ZNF385D: variants seen among roughly 807,000 people sequenced by gnomAD.
The protein encoded by ZNF385D is zinc finger protein 659.
Under a neutral mutation model 35.8 loss-of-function variants are expected in ZNF385D, and 15 were observed. The observed-to-expected ratio is 0.42, with a 90% confidence interval of 0.28 to 0.64. The LOEUF (loss-of-function observed/expected upper bound fraction) is 0.64, where lower values mean the gene tolerates loss of function less well. Among genes scored for constraint, ZNF385D ranks in the 30% least tolerant of loss-of-function variants. ZNF385D has a pLI of 0.23. For missense variants in ZNF385D, 474 were observed against 494.6 expected, an observed-to-expected ratio of 0.96 and a Z score of 0.39; for synonymous variants, 212 against 186.8, an observed-to-expected ratio of 1.13 and a Z score of -1.10.
At position 21,981,559 on chromosome 3, in the gene ZNF385D, A is replaced by G. The variant is rs547312161; in HGVS notation, c.325+187258T>C. Among the ~76,000 whole-genome samples the G allele has an allele frequency of 7.2e-5, 11 of 152,206 alleles. No individual in the cohort carries two copies. In the East Asian group the frequency reaches 2.1e-3, roughly 29 times the overall value. On this transcript the variant is annotated intron_variant, in intron 3 of 5. Transcript: ENST00000494108. ...TTCTTTTGCTGTGCAGATGCTCTTA[A>G]CAATTAATCAGATCCCACATTTCAA...
chr3:22,301,927 C>T (rs934678043), intron 2 of ZNF385D, among the ~76,000 whole-genome samples: 8 of 151,840 alleles, frequency 5.3e-5, no homozygotes, highest in Non-Finnish European at 1.0e-4. Context: ...TTTTCTATAC[C>T]GATGCATGTA....
intron 1 of ZNF385D, among the ~76,000 whole-genome samples, chr3:21,747,004 T>A (rs567473462): frequency 6.6e-6 from 1 of 151,650 alleles, no homozygotes; most frequent in African/African-American, 2.4e-5. Context: ...GGCAGGGGAA[T>A]AGGGTTCTGT....
chr3:22,201,642 C>G (rs1033119803), intron 2 of ZNF385D, among the ~76,000 whole-genome samples: 1 of 151,948 alleles, frequency 6.6e-6, no homozygotes, highest in Non-Finnish European at 1.5e-5. Flanking sequence ...TAAGTTCTAT[C>G]AGATGTTTAA....
chr3:21,802,209 G>C (rs1004935787), intron 3 of ZNF385D, among the ~76,000 whole-genome samples: 2 of 152,018 alleles, frequency 1.3e-5, no homozygotes, highest in Non-Finnish European at 2.9e-5. Context: ...TATTATCTAA[G>C]ATCTTACACT....
intron 3 of ZNF385D, among the ~76,000 whole-genome samples, chr3:21,949,590 A>T (rs1701965550): frequency 1.5e-5 from 2 of 131,048 alleles, no homozygotes; most frequent in Admixed American, 8.6e-5. Flanking sequence ...AAGTTCTGGG[A>T]TACATGCACA....
At chr3:22,075,314 C>G (rs557165645) in intron 3 of ZNF385D, among the ~76,000 whole-genome samples, 2 of 151,962 alleles carry the variant, frequency 1.3e-5, no homozygotes, top group South Asian at 4.2e-4. Context: ...AAAGATTCCT[C>G]TCCAGAGGCC....
At chr3:21,454,520 T>C (rs1702660286) in intron 4 of ZNF385D, among the ~76,000 whole-genome samples, 1 of 152,074 alleles carries the variant, frequency 6.6e-6, no homozygotes, top group Non-Finnish European at 1.5e-5. Flanking sequence ...CTTCAAGCAT[T>C]CCAAGCATGC....
rs992682330 is a variant in ZNF385D, at chr3:21,414,996, C to G, written c.*6218G>C. Reference sequence around the variant, plus strand: ...TTGCCCCTAGCCCTAGGGTCCTATACTGAAATTATATAACAATGTGTGTTA... The same window carrying G: ...TTGCCCCTAGCCCTAGGGTCCTATAGTGAAATTATATAACAATGTGTGTTA... On this transcript the variant is annotated 3_prime_UTR_variant, in exon 8 of 8. Transcript: ENST00000281523. The G allele has an allele frequency of 2.0e-5, 3 of 152,002 alleles. No homozygotes were observed. Among genetic ancestry groups the G allele is most frequent in the Non-Finnish European group, 4.4e-5 (3 of 67,976 alleles). 9.4% of individuals were successfully genotyped at this position (152,002 alleles called of 1,614,324 possible).
At chr3:22,234,750 C>A (rs1267395038) in intron 2 of ZNF385D, among the ~76,000 whole-genome samples, 1 of 151,800 alleles carries the variant, frequency 6.6e-6, no homozygotes, top group Non-Finnish European at 1.5e-5. Flanking sequence ...TTTTTTCAGA[C>A]TTTATTCTCT....
intron 2 of ZNF385D, among the ~76,000 whole-genome samples, chr3:21,611,598 T>A (rs2064681754): frequency 6.6e-6 from 1 of 152,190 alleles, no homozygotes; most frequent in Admixed American, 6.5e-5. Flanking sequence ...TGTATATGAA[T>A]GTACTTTGAA....
chr3:22,015,814 T>G (rs575965536), intron 3 of ZNF385D, among the ~76,000 whole-genome samples: 1 of 152,248 alleles, frequency 6.6e-6, no homozygotes, highest in East Asian at 1.9e-4. Context: ...GCTTATGCTT[T>G]TGATGTTTGA....
At chr3:21,950,097 G>T (rs1701992836) in intron 3 of ZNF385D, among the ~76,000 whole-genome samples, 1 of 148,928 alleles carries the variant, frequency 6.7e-6, no homozygotes, top group Admixed American at 6.6e-5. Context: ...GAGTTAAATG[G>T]TATTTCTGGT....
At chr3:22,028,026 C>T (rs1051473244) in intron 3 of ZNF385D, among the ~76,000 whole-genome samples, 9 of 152,142 alleles carry the variant, frequency 5.9e-5, no homozygotes, top group Admixed American at 5.9e-4. Context: ...TGGTTGCTCA[C>T]TCTGCATGTA....
chr3:22,050,885 T>C (rs1268897711), intron 3 of ZNF385D, among the ~76,000 whole-genome samples: 1 of 25,562 alleles, frequency 3.9e-5, no homozygotes. Flanking sequence ...ATTTCTGTTC[T>C]TTTACATTTG....
At chr3:21,486,076 CTGA>C (rs1705012425) in intron 4 of ZNF385D, among the ~76,000 whole-genome samples, 1 of 138,318 alleles carries the variant, frequency 7.2e-6, no homozygotes, top group African/African-American at 2.7e-5. Context: ...GGGTCACCAG[CTGA>C]TGATTTTTAT....
chr3:21,918,426 G>T (rs10865776), intron 3 of ZNF385D, among the ~76,000 whole-genome samples: 5 of 151,922 alleles, frequency 3.3e-5, no homozygotes, highest in South Asian at 4.1e-4. Context: ...GTAAAAGTAG[G>T]GACTTTTAAG....
At position 21,769,634 on chromosome 3, in the gene ZNF385D, T is replaced by C. The variant is rs1450454871; in HGVS notation, c.326-104606A>G. 4.2e-5 allele frequency among the ~76,000 whole-genome samples: 5 copies of C among 119,524 alleles called. 1 individual carries two copies. The highest frequency in any genetic ancestry group is 1.7e-4 in the African/African-American group (5 of 28,622). The allele number at this position is 119,524 out of a possible 152,430, so 78.4% of individuals were successfully genotyped here. A position where few individuals can be genotyped will look rare whatever the true frequency, so the allele number is the denominator to read the frequency against. On this transcript the variant is annotated intron_variant, in intron 3 of 5. Transcript: ENST00000494108. Reference sequence around the variant, plus strand: ...ATTCCATGCTCATGGATAGGAAGAATCAATATCATGAAAATGGCCATACTG... The same window carrying C: ...ATTCCATGCTCATGGATAGGAAGAACCAATATCATGAAAATGGCCATACTG...
At chr3:21,847,816 A>T (rs1468724352) in intron 3 of ZNF385D, among the ~76,000 whole-genome samples, 1 of 151,948 alleles carries the variant, frequency 6.6e-6, no homozygotes, top group African/African-American at 2.4e-5. Context: ...GCAGCCACTA[A>T]TCTGTTTATT....
chr3:22,098,770 A>G lies in ZNF385D; in HGVS notation c.325+70047T>C, dbSNP rs1427918314. 6.6e-5 allele frequency among the ~76,000 whole-genome samples: 10 copies of G among 152,158 alleles called. 1 individual carries two copies. The highest frequency in any genetic ancestry group is 3.9e-4 in the Admixed American group (6 of 15,252). On this transcript the variant is annotated intron_variant, in intron 3 of 5. Transcript: ENST00000494108. Reference sequence around the variant, plus strand: ...AAATACACCCCAAATAAAGAAAACTATATTTTTAAAGTAGCAAATAAATAA... The same window carrying G: ...AAATACACCCCAAATAAAGAAAACTGTATTTTTAAAGTAGCAAATAAATAA...
Sources: gnomAD v4.1 joint callset for allele counts (sites outside exome capture counted in the v4.1 genomes callset) on GRCh38, gnomAD v4.1.1 for gene constraint, MANE v1.5 for transcripts, NCBI Gene and HGNC (gene_info 2026-07-23, HGNC 2026-07-21) for gene names.